TOX: variants seen among roughly 807,000 people sequenced by gnomAD.
TOX encodes thymocyte selection-associated high mobility group box protein TOX.
In TOX, 11 loss-of-function variants were observed where a neutral mutation model predicts 53.7. The observed-to-expected ratio is 0.20, with a 90% CI of 0.13 to 0.34. The LOEUF is 0.34. Among genes scored for constraint, TOX ranks in the 10% least tolerant of loss-of-function variants. The pLI is 1.00. For missense variants in TOX, 570 were observed against 664.6 expected (o/e 0.86, Z 1.56); for synonymous variants, 225 against 245.3 (o/e 0.92, Z 0.77).
chr8:58,975,546 C>G (rs1009301033), intron 1 of TOX, among the ~76,000 whole-genome samples: 19 of 152,110 alleles, frequency 1.2e-4, no homozygotes, highest in African/African-American at 3.4e-4. Context: ...AGTCCACATA[C>G]AAGTTATGTT....
At position 59,119,139 on chromosome 8, in the gene TOX, G is replaced by T; in HGVS notation, c.-152C>A. 2 of 387,162 alleles carry T rather than the reference G, an allele frequency of 5.2e-6. No individual in the cohort carries two copies. Among genetic ancestry groups the T allele is most frequent in the Non-Finnish European group, 4.5e-6 (1 of 223,146 alleles). 24.0% of individuals were successfully genotyped at this position (387,162 alleles called of 1,614,324 possible). ...TCACATCCGTTTGTGGTTTGTTTAA[G>T]AAGAAGAGGAAAAAAAAAAAAAAGA... On this transcript the variant is annotated 5_prime_UTR_variant, in exon 1 of 9. Coordinates refer to ENST00000361421, the MANE Select transcript of TOX (RefSeq NM_014729.3).
intron 6 of TOX, among the ~76,000 whole-genome samples, chr8:58,821,412 A>T (rs1310327452): frequency 6.6e-6 from 1 of 152,074 alleles, no homozygotes; most frequent in Non-Finnish European, 1.5e-5. Flanking sequence ...TTATTTTTTA[A>T]ATTTTTGAAT....
chr8:58,831,679 G>A (rs1433089573), intron 5 of TOX, among the ~76,000 whole-genome samples: 1 of 152,132 alleles, frequency 6.6e-6, no homozygotes, highest in African/African-American at 2.4e-5. Flanking sequence ...ACATACAACT[G>A]CAAGGCCTGG....
At chr8:58,869,725 T>C (rs771104235) in intron 3 of TOX, among the ~76,000 whole-genome samples, 2 of 152,072 alleles carry the variant, frequency 1.3e-5, no homozygotes, top group Non-Finnish European at 2.9e-5. Context: ...ATATACAAGG[T>C]TAAAGTTCAA....
chr8:58,889,899 T>C (rs1311019718), intron 3 of TOX, among the ~76,000 whole-genome samples: 1 of 152,190 alleles, frequency 6.6e-6, no homozygotes. Context: ...CTTAACATTA[T>C]AAAAACAAAG....
chr8:58,808,197 C>A lies in TOX; in HGVS notation c.1465G>T (p.Ala489Ser), dbSNP rs370096656. The A allele has an allele frequency of 2.0e-5, 32 of 1,613,978 alleles. No homozygotes were observed. In the African/African-American group the frequency reaches 4.0e-4, roughly 20 times the overall value. The part of the protein sequence containing the change: ...TSTAAQVVTQ[A>S]MEYVRSGCRN... Reference sequence around the variant, plus strand: ...CACCCCGAACGCACATACTCCATTGCCTGGGTGACAACTTGTGCAGCTGTA... The same window carrying A: ...CACCCCGAACGCACATACTCCATTGACTGGGTGACAACTTGTGCAGCTGTA... The change falls in exon 8 of 9, where the codon GCA becomes TCA. Residue 489 changes from alanine (A) to serine (S), a missense_variant. Around this residue, in one of 3 missense-constraint regions of TOX, gnomAD observed 239 missense variants for 250.7 expected, o/e 0.95. Transcript: ENST00000361421.
At chr8:59,071,489 TA>T (rs1432639611) in intron 1 of TOX, among the ~76,000 whole-genome samples, 1 of 152,206 alleles carries the variant, frequency 6.6e-6, no homozygotes, top group Non-Finnish European at 1.5e-5. Context: ...AGTTATGTCT[TA>T]ATTAAATGGA....
chr8:58,842,422 G>A (rs1370849702), intron 4 of TOX, among the ~76,000 whole-genome samples: 1 of 152,046 alleles, frequency 6.6e-6, no homozygotes, highest in Non-Finnish European at 1.5e-5. Flanking sequence ...GAAGGCTCTC[G>A]CCAAGGGCCT....
intron 2 of TOX, among the ~76,000 whole-genome samples, chr8:58,951,261 G>A (rs1468265479): frequency 6.6e-6 from 1 of 152,072 alleles, no homozygotes; most frequent in East Asian, 1.9e-4. Flanking sequence ...ATTGTTGTAA[G>A]GATCAAATGA....
At chr8:58,847,989 G>C (rs1347322660) in intron 4 of TOX, among the ~76,000 whole-genome samples, 1 of 151,946 alleles carries the variant, frequency 6.6e-6, no homozygotes, top group Non-Finnish European at 1.5e-5. Flanking sequence ...TCAGGTGAAA[G>C]AAATATATAT....
intron 1 of TOX, among the ~76,000 whole-genome samples, chr8:59,092,016 G>A (rs1467566625): frequency 6.6e-6 from 1 of 151,758 alleles, no homozygotes; most frequent in Admixed American, 6.6e-5. Context: ...TTGGGAGGCT[G>A]GGGCATGTGG....
chr8:58,935,996 C>G (rs1253945583), intron 3 of TOX, among the ~76,000 whole-genome samples: 2 of 152,308 alleles, frequency 1.3e-5, no homozygotes, highest in East Asian at 1.9e-4. Flanking sequence ...ATTGGGATAA[C>G]GGGCGCCAGC....
intron 1 of TOX, among the ~76,000 whole-genome samples, chr8:59,051,705 G>A (rs893907402): frequency 2.0e-5 from 3 of 152,100 alleles, no homozygotes; most frequent in Non-Finnish European, 2.9e-5. Flanking sequence ...AACAATCTGG[G>A]CATCCAGCAG....
At position 59,078,414 on chromosome 8, in the gene TOX, G is replaced by A. The variant is rs1425904444; in HGVS notation, c.102+40472C>T. ...GGCTTGGTGCTGTCTTTGTGACAGTGAGTTATCACAAGATCTTGTCATTTA... is the reference window on the plus strand; with the variant it reads ...GGCTTGGTGCTGTCTTTGTGACAGTAAGTTATCACAAGATCTTGTCATTTA... On this transcript the variant is annotated intron_variant, in intron 1 of 8. Transcript: ENST00000361421. Among the ~76,000 whole-genome samples, 7 of 152,272 alleles carry A rather than the reference G, an allele frequency of 4.6e-5. No individual in the cohort carries two copies. The East Asian group carries it at 1.4e-3, about 29-fold the overall frequency.
intron 1 of TOX, among the ~76,000 whole-genome samples, chr8:59,042,679 T>C (rs900482622): frequency 8.5e-5 from 13 of 152,212 alleles, no homozygotes; most frequent in African/African-American, 2.7e-4. Flanking sequence ...AGTCATCATA[T>C]AGCTGAAGCC....
At chr8:58,900,959 GT>G (rs1193311195) in intron 3 of TOX, among the ~76,000 whole-genome samples, 1 of 151,948 alleles carries the variant, frequency 6.6e-6, no homozygotes, top group Non-Finnish European at 1.5e-5. Flanking sequence ...TGCTTCTACA[GT>G]TCATATAACT....
chr8:58,909,039 A>G (rs1280744301), intron 3 of TOX, among the ~76,000 whole-genome samples: 3 of 152,228 alleles, frequency 2.0e-5, no homozygotes, highest in Admixed American at 6.5e-5. Context: ...GTGAACTTTC[A>G]GAGAACACAG....
At chr8:58,858,176 A>T (rs935499079) in intron 3 of TOX, among the ~76,000 whole-genome samples, 1 of 152,216 alleles carries the variant, frequency 6.6e-6, no homozygotes, top group South Asian at 2.1e-4. Context: ...GAATGGTGAA[A>T]AAAAAATCCT....
At chr8:59,062,532 G>C (rs1215623200) in intron 1 of TOX, among the ~76,000 whole-genome samples, 1 of 152,176 alleles carries the variant, frequency 6.6e-6, no homozygotes, top group Non-Finnish European at 1.5e-5. Flanking sequence ...TACTTATAGG[G>C]TTTATATAAG....
Sources: allele counts gnomAD v4.1 joint callset (sites outside exome capture counted in the v4.1 genomes callset), GRCh38; gene constraint gnomAD v4.1.1; regional missense constraint gnomAD v4.1.1; transcripts MANE v1.5; gene names NCBI Gene and HGNC (gene_info 2026-07-23, HGNC 2026-07-21).